Variants in SPNS3 observed in about 807,000 individuals in gnomAD.
SPNS3 encodes SPNS lysolipid transporter 3, sphingosine-1-phosphate (putative).
Under a neutral mutation model 54.4 loss-of-function variants are expected in SPNS3, and 51 were observed. The ratio of observed to expected loss-of-function variants is 0.94; its 90% CI spans 0.75 to 1.18. The LOEUF (loss-of-function observed/expected upper bound fraction) is 1.18, where lower values mean the gene tolerates loss of function less well. Ranked by LOEUF, SPNS3 falls within the 50% of genes most tolerant of loss-of-function variation. SPNS3 has a pLI of 0.00. For synonymous variants in SPNS3, 309 were observed against 294.7 expected (o/e 1.05, Z -0.50); for missense variants, 669 against 677.4 (o/e 0.99, Z 0.14).
intron 9 of SPNS3, among the ~76,000 whole-genome samples, chr17:4,482,808 A>G (rs1972204545): frequency 6.6e-6 from 1 of 152,112 alleles, no homozygotes; most frequent in African/African-American, 2.4e-5. Flanking sequence ...CCCACTCAGG[A>G]TGGCCCAGAG....
intron 8 of SPNS3, among the ~76,000 whole-genome samples, chr17:4,463,928 C>T (rs1971612351): frequency 6.6e-6 from 1 of 152,142 alleles, no homozygotes; most frequent in African/African-American, 2.4e-5. Context: ...TCAGGACATG[C>T]AGATAACTGC....
At chr17:4,445,930 C>T in intron 3 of SPNS3, 118 bp from the exon 4 acceptor site, 1 of 1,234,094 alleles carries the variant, frequency 8.1e-7, no homozygotes, top group Non-Finnish European at 1.1e-6. Flanking sequence ...CCGATCCCCT[C>T]TCCCTACTCT....
chr17:4,481,885 TC>T (rs200642654), intron 9 of SPNS3: 66,513 of 143,740 alleles, frequency 0.46, 17,095 homozygotes, highest in African/African-American at 0.74. Context: ...TCTCTCTCTC[TC>T]TTTTTTTTTT....
chr17:4,439,529 C>G (rs1010444257), intron 1 of SPNS3, 129 bp from the exon 2 acceptor site: 11 of 708,832 alleles, frequency 1.6e-5, no homozygotes, highest in Non-Finnish European at 2.2e-5. Context: ...GGGGAGAGAA[C>G]AGTGGGCTTG....
Position 4,487,897 on chromosome 17 carries a change from T to C in SPNS3, c.*3T>C, listed in dbSNP as rs754027449. ...GCGCCTCTACAGAGGAGCCCTGAGG[T>C]CCCTGCCTACACTCGTCCTGCCTGC... On this transcript the variant is annotated 3_prime_UTR_variant, in exon 12 of 12. Coordinates refer to ENST00000355530, the MANE Select transcript of SPNS3 (RefSeq NM_182538.5). The C allele has an allele frequency of 6.2e-7, 1 of 1,613,224 alleles. No homozygotes were observed. Among genetic ancestry groups the C allele is most frequent in the East Asian group, 2.2e-5 (1 of 44,890 alleles).
chr17:4,463,411 AC>A (rs1461149586), intron 8 of SPNS3, among the ~76,000 whole-genome samples: 7 of 140,022 alleles, frequency 5.0e-5, no homozygotes, highest in African/African-American at 8.9e-5. Context: ...AAAAAAAAAA[AC>A]AAAACAAAAC....
chr17:4,458,041 C>T (rs985694353), intron 8 of SPNS3, among the ~76,000 whole-genome samples: 8 of 151,950 alleles, frequency 5.3e-5, no homozygotes, highest in East Asian at 1.9e-4. Context: ...TCTGTGCCTC[C>T]GTAGAATGCT....
At chr17:4,450,621 A>G (rs1486041885) in intron 7 of SPNS3, among the ~76,000 whole-genome samples, 2 of 151,214 alleles carry the variant, frequency 1.3e-5, no homozygotes, top group African/African-American at 2.4e-5. Flanking sequence ...TTTGAGACAG[A>G]GTTTCACTCT....
At chr17:4,474,070 C>T (rs1971926054) in intron 8 of SPNS3, among the ~76,000 whole-genome samples, 1 of 152,194 alleles carries the variant, frequency 6.6e-6, no homozygotes, top group Admixed American at 6.5e-5. Context: ...TCTGAGGGCC[C>T]CACCTCTCTG....
chr17:4,481,594 T>TCAGAGGG (rs1360401337), intron 9 of SPNS3, among the ~76,000 whole-genome samples: 1 of 152,008 alleles, frequency 6.6e-6, no homozygotes, highest in African/African-American at 2.4e-5. Flanking sequence ...GTGGGTTAGG[T>TCAGAGGG]CAGAGGGCAG....
At chr17:4,452,505 G>A (rs1233262101) in intron 7 of SPNS3, among the ~76,000 whole-genome samples, 1 of 152,194 alleles carries the variant, frequency 6.6e-6, no homozygotes, top group African/African-American at 2.4e-5. Flanking sequence ...GGGAGTGGAA[G>A]GATGGGATTC....
chr17:4,479,237 G>A (rs1405421171), intron 9 of SPNS3, among the ~76,000 whole-genome samples: 1 of 152,240 alleles, frequency 6.6e-6, no homozygotes, highest in Admixed American at 6.5e-5. Flanking sequence ...CACCGTGCCT[G>A]GCCCCTCCCT....
At position 4,483,977 on chromosome 17, in the gene SPNS3, T is replaced by A. The variant is rs1156736106; in HGVS notation, c.1180-2251T>A. 6.6e-6 allele frequency among the ~76,000 whole-genome samples: 1 copy of A among 152,242 alleles called. No individual in the cohort carries two copies. Among genetic ancestry groups the A allele is most frequent in the East Asian group, 1.9e-4 (1 of 5,200 alleles). On this transcript the variant is annotated intron_variant, in intron 9 of 11. Transcript: ENST00000355530. This position sits in a 1 kb window ranked among gnomAD's most constrained non-coding sequence, Gnocchi z 4.2. ...TTCCCCGTCTCTTTGCCAGTTACTCTGCCATCCGTTTACAGGGCTAGTGAT... is the reference window on the plus strand; with the variant it reads ...TTCCCCGTCTCTTTGCCAGTTACTCAGCCATCCGTTTACAGGGCTAGTGAT...
chr17:4,454,610 CTTTTTTTTTTTTT>C (rs55918406), intron 8 of SPNS3, among the ~76,000 whole-genome samples: 1 of 76,390 alleles, frequency 1.3e-5, no homozygotes, highest in Non-Finnish European at 2.3e-5. Flanking sequence ...CCAAATAAAG[CTTTTTTTTTTTTT>C]TTTTTTTTTT....
chr17:4,467,429 A>G (rs982925267), intron 8 of SPNS3, among the ~76,000 whole-genome samples: 2 of 151,902 alleles, frequency 1.3e-5, no homozygotes, highest in Non-Finnish European at 1.5e-5. Context: ...GGCTGCTTTC[A>G]TCTGGATGAT....
chr17:4,445,310 G>A, intron 3 of SPNS3, 142 bp downstream of exon 3: 1 of 883,664 alleles, frequency 1.1e-6, no homozygotes, highest in Admixed American at 2.8e-5. Context: ...CTGAGGGCTG[G>A]GAGAGAAGGT....
At chr17:4,444,853 G>A (rs559274423) in intron 2 of SPNS3, 179 bp from the exon 3 acceptor site, 10 of 732,446 alleles carry the variant, frequency 1.4e-5, no homozygotes, top group East Asian at 2.6e-5. Flanking sequence ...TCTGGGCTGC[G>A]GCTGCATGTT....
intron 8 of SPNS3, among the ~76,000 whole-genome samples, chr17:4,475,984 C>T (rs748938461): frequency 6.6e-5 from 10 of 152,164 alleles, no homozygotes; most frequent in African/African-American, 1.2e-4. Flanking sequence ...GCATCTGGGG[C>T]ACCCTGGCGT....
chr17:4,469,108 AG>A (rs1251225372), intron 8 of SPNS3, among the ~76,000 whole-genome samples: 1 of 147,650 alleles, frequency 6.8e-6, no homozygotes, highest in African/African-American at 2.5e-5. Flanking sequence ...TTTCTAAGAC[AG>A]GTTCTTGCTC....
Sources: gnomAD v4.1 joint callset for allele counts (sites outside exome capture counted in the v4.1 genomes callset) on GRCh38, gnomAD v4.1.1 for gene constraint, Gnocchi (gnomAD v3.1) non-coding constraint, MANE v1.5 for transcripts, NCBI Gene and HGNC (gene_info 2026-07-23, HGNC 2026-07-21) for gene names.